SPIRE1: variants seen among roughly 807,000 people sequenced by gnomAD.
SPIRE1 encodes the protein spire type actin nucleation factor 1, also known as protein spire homolog 1.
In SPIRE1, 40 loss-of-function variants were observed where a neutral mutation model predicts 94.1. That is an observed-to-expected ratio of 0.43 (90% CI 0.33 to 0.55). The LOEUF (loss-of-function observed/expected upper bound fraction) is 0.55. SPIRE1 is among the 20% of genes least tolerant of loss of function. SPIRE1 has a pLI of 0.06. For missense variants in SPIRE1, 838 were observed against 975.2 expected (o/e 0.86, Z 1.87); for synonymous variants, 376 against 371.7 (o/e 1.01, Z -0.13).
In SPIRE1 at chr18:12,492,187, G is replaced by T. The variant is rs79112159; in HGVS notation, c.1189+885C>A. Reference sequence around the variant, plus strand: ...GTTGCTTAGGGAGAACAGAAGCCAGGATAGAAACTTTGAAGTCCAAGAGTC... The same window carrying T: ...GTTGCTTAGGGAGAACAGAAGCCAGTATAGAAACTTTGAAGTCCAAGAGTC... On this transcript the variant is annotated intron_variant, in intron 8 of 16. Transcript: ENST00000409402. Among the ~76,000 whole-genome samples the T allele has an allele frequency of 5.6e-3, 851 of 152,276 alleles. 4 individuals are homozygous for T. The highest frequency in any genetic ancestry group is 0.014 in the Middle Eastern group (4 of 294).
At chr18:12,566,821 A>C (rs2035832505) in intron 2 of SPIRE1, among the ~76,000 whole-genome samples, 1 of 152,198 alleles carries the variant, frequency 6.6e-6, no homozygotes, top group Admixed American at 6.5e-5. Flanking sequence ...ATATACAAGC[A>C]GAAGGAATAT....
intron 2 of SPIRE1, among the ~76,000 whole-genome samples, chr18:12,621,706 G>T (rs2037473481): frequency 6.6e-6 from 1 of 152,194 alleles, no homozygotes; most frequent in Non-Finnish European, 1.5e-5. Context: ...GGGCTAGGAG[G>T]TGATAGCTAA....
Position 12,524,749 on chromosome 18 carries a change from G to A in SPIRE1, c.729+10727C>T, listed in dbSNP as rs190316245. 2.6e-5 allele frequency among the ~76,000 whole-genome samples: 4 copies of A among 152,142 alleles called. No individual in the cohort carries two copies. The East Asian group carries it at 7.7e-4, about 29-fold the overall frequency. Reference sequence around the variant, plus strand: ...AGTGCGTTGGGAAGGTAAGGTGGCAGGATCACTTGAGGCCAGGAGTTTCAG... The same window carrying A: ...AGTGCGTTGGGAAGGTAAGGTGGCAAGATCACTTGAGGCCAGGAGTTTCAG... On this transcript the variant is annotated intron_variant, in intron 4 of 16. Transcript: ENST00000409402.
intron 2 of SPIRE1, among the ~76,000 whole-genome samples, chr18:12,553,828 G>T (rs1159239399): frequency 6.6e-6 from 1 of 151,818 alleles, no homozygotes; most frequent in Non-Finnish European, 1.5e-5. Flanking sequence ...ATTAGTAAAG[G>T]CAAAGAATAA....
chr18:12,476,257 AGCTGG>A (rs2032570751), intron 10 of SPIRE1, among the ~76,000 whole-genome samples: 1 of 152,130 alleles, frequency 6.6e-6, no homozygotes, highest in African/African-American at 2.4e-5. Context: ...AGAAGTTTTC[AGCTGG>A]GCGTGGTGGC....
chr18:12,533,932 TACACAC>T lies in SPIRE1; in HGVS notation c.729+1538_729+1543del, dbSNP rs10658152. Among the ~76,000 whole-genome samples, 405 of 144,384 alleles carry T rather than the reference TACACAC, an allele frequency of 2.8e-3. 1 individual carries two copies. Among genetic ancestry groups the T allele is most frequent in the Middle Eastern group, 0.01 (3 of 288 alleles). The allele number at this position is 144,384 out of a possible 152,430, so 94.7% of individuals were successfully genotyped here. ...TGCTCAATGAGAACAGCTAATCCAT[TACACAC>T]ACACACACACACACACACACACACA... On this transcript the variant is annotated intron_variant, in intron 4 of 16. Transcript: ENST00000409402.
Position 12,657,571 on chromosome 18 carries a change from G to A in SPIRE1, c.296C>T (p.Ala99Val). Residue 99 changes from alanine to valine, a missense_variant, in exon 1 of 17, where the codon GCG becomes GTG. Transcript: ENST00000409402. Reference protein sequence around the residue: ...RVWRDGAVTLAPAADDAGEPP... With the variant: ...RVWRDGAVTLVPAADDAGEPP... The stretch of plus-strand genomic sequence containing the variant: ...CTCTCCCGCGTCGTCGGCCGCGGGC[G>A]CCAGGGTGACGGCGCCGTCCCTCCA... 2 of 1,239,614 alleles carry A rather than the reference G, an allele frequency of 1.6e-6. No homozygotes were observed. The highest frequency in any genetic ancestry group is 2.0e-6 in the Non-Finnish European group (2 of 992,306). 76.8% of individuals were successfully genotyped at this position (1,239,614 alleles called of 1,614,324 possible).
chr18:12,522,290 T>C (rs537417763), intron 4 of SPIRE1, among the ~76,000 whole-genome samples: 2 of 152,314 alleles, frequency 1.3e-5, no homozygotes, highest in East Asian at 3.9e-4. Context: ...GCCACAACAT[T>C]CCCTTAAACC....
intron 2 of SPIRE1, among the ~76,000 whole-genome samples, chr18:12,575,581 A>G (rs2036074054): frequency 1.3e-5 from 2 of 152,186 alleles, no homozygotes; most frequent in African/African-American, 2.4e-5. Flanking sequence ...GGATTCTCCC[A>G]AAGTGCTGGG....
intron 1 of SPIRE1, among the ~76,000 whole-genome samples, chr18:12,650,483 G>A (rs28409275): frequency 0.017 from 2,634 of 152,044 alleles, 88 homozygotes; most frequent in African/African-American, 0.06. Context: ...GGCCGAGGTG[G>A]GTGGATCATG....
At chr18:12,596,699 A>G (rs2036680010) in intron 2 of SPIRE1, among the ~76,000 whole-genome samples, 1 of 152,160 alleles carries the variant, frequency 6.6e-6, no homozygotes, top group Non-Finnish European at 1.5e-5. Flanking sequence ...GTTAATCCTA[A>G]TATTTAAAAT....
At chr18:12,462,772 G>A (rs1337772412) in intron 12 of SPIRE1, among the ~76,000 whole-genome samples, 1 of 151,620 alleles carries the variant, frequency 6.6e-6, no homozygotes, top group Admixed American at 6.6e-5. Flanking sequence ...ATTTTTAAAT[G>A]GATTAATAGC....
In SPIRE1 at chr18:12,479,511, G is replaced by A. The variant is rs145538327; in HGVS notation, c.1404+188C>T. On this transcript the variant is annotated intron_variant, in intron 10 of 16. Coordinates refer to ENST00000409402, the MANE Select transcript of SPIRE1 (RefSeq NM_001128626.2). ...TTCTATAATTATAGCCACTATATTG[G>A]TCTTTACTAATAGAAAGTAATCTAT... is the stretch of plus-strand genomic sequence containing the variant. Among the ~76,000 whole-genome samples, 1,264 of 152,180 alleles carry A rather than the reference G, an allele frequency of 8.3e-3. 14 individuals are homozygous for A. Among genetic ancestry groups the A allele is most frequent in the African/African-American group, 0.029 (1,207 of 41,514 alleles).
At chr18:12,538,878 G>A (rs764970746) in intron 3 of SPIRE1, among the ~76,000 whole-genome samples, 25 of 152,148 alleles carry the variant, frequency 1.6e-4, no homozygotes, top group Non-Finnish European at 2.9e-4. Flanking sequence ...AAGTCTTGTT[G>A]TTTCTACCTT....
chr18:12,630,064 G>A (rs62097153), intron 2 of SPIRE1, among the ~76,000 whole-genome samples: 59,246 of 151,852 alleles, frequency 0.39, 12,237 homozygotes, highest in East Asian at 0.6. Context: ...TTAAGAATAT[G>A]GTAAAAGTGC....
At chr18:12,588,674 C>T (rs989820739) in intron 2 of SPIRE1, among the ~76,000 whole-genome samples, 6 of 149,168 alleles carry the variant, frequency 4.0e-5, no homozygotes, top group Non-Finnish European at 1.5e-5. Context: ...TTTCTTACTA[C>T]TCCCTTTCTT....
At chr18:12,601,789 A>T (rs1374334680) in intron 2 of SPIRE1, among the ~76,000 whole-genome samples, 1 of 152,104 alleles carries the variant, frequency 6.6e-6, no homozygotes, top group South Asian at 2.1e-4. Flanking sequence ...CCATGTGGCT[A>T]TATCAGTATT....
chr18:12,513,561 T>C (rs1422031260), intron 4 of SPIRE1, among the ~76,000 whole-genome samples: 1 of 151,888 alleles, frequency 6.6e-6, no homozygotes, highest in Admixed American at 6.6e-5. Context: ...TTTGCTCTTG[T>C]TGCCCAGGCT....
chr18:12,616,722 G>A (rs1001530237), intron 2 of SPIRE1, among the ~76,000 whole-genome samples: 10 of 152,126 alleles, frequency 6.6e-5, no homozygotes, highest in African/African-American at 2.2e-4. Flanking sequence ...GAAGAAGAGA[G>A]AAAAGCCAGG....
Sources: allele counts gnomAD v4.1 joint callset (sites outside exome capture counted in the v4.1 genomes callset), GRCh38; gene constraint gnomAD v4.1.1; transcripts MANE v1.5; gene names NCBI Gene and HGNC (gene_info 2026-07-23, HGNC 2026-07-21).